Variants in JAK2 observed in about 807,000 individuals in gnomAD.
JAK2 encodes the protein Janus kinase 2.
In JAK2, 86 loss-of-function variants were observed where a neutral mutation model predicts 139.3. The observed-to-expected ratio is 0.62, with a 90% CI of 0.52 to 0.74. JAK2 has a LOEUF of 0.74. Among genes scored for constraint, JAK2 ranks in the 30% least tolerant of loss-of-function variants. JAK2 has a pLI of 0.00. For synonymous variants in JAK2, 490 were observed against 437.7 expected, an observed-to-expected ratio of 1.12 and a Z score of -1.49; for missense variants, 1,421 against 1,360.3, an observed-to-expected ratio of 1.04 and a Z score of -0.70.
intron 2 of JAK2, among the ~76,000 whole-genome samples, chr9:5,005,833 G>C (rs1184244704): frequency 6.6e-6 from 1 of 152,158 alleles, no homozygotes; most frequent in Non-Finnish European, 1.5e-5. Flanking sequence ...TGAGGGCTCT[G>C]TTCTGTTCCA....
chr9:5,048,343 A>G (rs1817173737), intron 5 of JAK2, among the ~76,000 whole-genome samples: 1 of 151,930 alleles, frequency 6.6e-6, no homozygotes, highest in Non-Finnish European at 1.5e-5. Flanking sequence ...GGGTTTCACT[A>G]TGTTGGCCAG....
upstream of JAK2, chr9:4,984,983 G>A (rs988141653): frequency 6.6e-6 from 1 of 152,318 alleles, no homozygotes; most frequent in Non-Finnish European, 1.5e-5. Context: ...TGCCCTGCGT[G>A]GCCCGCGCCT....
chr9:5,003,144 T>C (rs1821030217), intron 2 of JAK2, among the ~76,000 whole-genome samples: 1 of 151,998 alleles, frequency 6.6e-6, no homozygotes, highest in African/African-American at 2.4e-5. Flanking sequence ...ATGATAAATC[T>C]TGATGTCTGA....
At chr9:5,075,862 T>A (rs946508907) in intron 14 of JAK2, among the ~76,000 whole-genome samples, 8 of 152,108 alleles carry the variant, frequency 5.3e-5, no homozygotes, top group Admixed American at 3.3e-4. Context: ...GTAGAAAAAC[T>A]TATGGAAAGG....
At chr9:5,081,701 T>C in intron 18 of JAK2, 24 bp from the exon 19 acceptor site, 1 of 1,526,514 alleles carries the variant, frequency 6.6e-7, no homozygotes, top group Admixed American at 1.7e-5. Flanking sequence ...TAATTTAAGG[T>C]GATAATATTC....
At chr9:5,085,627 G>A in intron 19 of JAK2, 1 of 710,626 alleles carries the variant, frequency 1.4e-6, no homozygotes. Flanking sequence ...AGCAAGGACA[G>A]CCTTCTTTTC....
At chr9:5,112,660 C>T in intron 22 of JAK2, 3 of 971,736 alleles carry the variant, frequency 3.1e-6, no homozygotes, top group Non-Finnish European at 4.3e-6. Flanking sequence ...AACTCCTTAT[C>T]CTGCACCAGG....
At chr9:5,118,186 A>G (rs1427814550) in intron 22 of JAK2, among the ~76,000 whole-genome samples, 10 of 152,294 alleles carry the variant, frequency 6.6e-5, no homozygotes, top group Admixed American at 6.5e-4. Flanking sequence ...TAGTGCAGCA[A>G]TTTGATACCC....
Position 5,069,197 on chromosome 9 carries a change from C to T in JAK2, c.1502C>T (p.Pro501Leu). The change falls in exon 11 of 25, where the codon CCA becomes CTA. Residue 501 changes from proline (P) to leucine (L), a missense_variant. Pro to Leu is a moderately conservative substitution (Grantham distance 98, BLOSUM62 -3). Transcript: ENST00000381652. ...TTCCAGTTTACTAAATGCTGTCCCC[C>T]AAAGCCAAAAGGTAAGATAATTTTC... Reference protein sequence around the residue: ...IIFQFTKCCPPKPKDKSNLLV... With the variant: ...IIFQFTKCCPLKPKDKSNLLV... The T allele has an allele frequency of 1.3e-6, 2 of 1,599,702 alleles. No homozygotes were observed. Among genetic ancestry groups the T allele is most frequent in the Non-Finnish European group, 8.5e-7 (1 of 1,174,164 alleles).
At chr9:5,118,923 A>T (rs1046791363) in intron 22 of JAK2, among the ~76,000 whole-genome samples, 1 of 152,186 alleles carries the variant, frequency 6.6e-6, no homozygotes, top group Admixed American at 6.5e-5. Flanking sequence ...CTGTTTTCTC[A>T]ATTTCTGAAA....
chr9:5,007,330 C>T (rs1821373580), intron 2 of JAK2, among the ~76,000 whole-genome samples: 1 of 151,892 alleles, frequency 6.6e-6, no homozygotes, highest in African/African-American at 2.4e-5. Flanking sequence ...TTCTTTGTAC[C>T]ATGGGTTCTA....
At chr9:5,106,668 A>G (rs781064212) in intron 22 of JAK2, among the ~76,000 whole-genome samples, 2 of 152,230 alleles carry the variant, frequency 1.3e-5, no homozygotes, top group Non-Finnish European at 2.9e-5. Context: ...CATCAATGAT[A>G]GACTGGATAA....
intron 4 of JAK2, chr9:5,041,322 A>C (rs1018211467): frequency 6.7e-6 from 5 of 741,838 alleles, no homozygotes; most frequent in Non-Finnish European, 1.2e-5. Context: ...CCGTGCAGCC[A>C]GCACAAGAGC....
intron 8 of JAK2, among the ~76,000 whole-genome samples, chr9:5,058,032 T>G (rs1817887643): frequency 6.6e-6 from 1 of 152,202 alleles, no homozygotes; most frequent in Non-Finnish European, 1.5e-5. Context: ...TTCCTTCATT[T>G]TTAATATATG....
intron 4 of JAK2, chr9:5,041,117 A>C (rs923412845): frequency 2.3e-6 from 2 of 860,214 alleles, no homozygotes; most frequent in Non-Finnish European, 3.8e-6. Flanking sequence ...CTTCACGCCC[A>C]AGACGGTGCT....
At chr9:5,062,591 C>G (rs535251506) in intron 8 of JAK2, among the ~76,000 whole-genome samples, 1 of 141,648 alleles carries the variant, frequency 7.1e-6, no homozygotes, top group South Asian at 2.4e-4. Context: ...GTCTGTATAT[C>G]AATAAGAGGG....
At chr9:5,060,321 G>A (rs1472622207) in intron 8 of JAK2, among the ~76,000 whole-genome samples, 1 of 152,128 alleles carries the variant, frequency 6.6e-6, no homozygotes, top group Non-Finnish European at 1.5e-5. Context: ...TGCATCAGTA[G>A]ACTCTTCATT....
intron 2 of JAK2, among the ~76,000 whole-genome samples, chr9:5,021,297 A>T (rs1258758529): frequency 6.6e-6 from 1 of 152,226 alleles, no homozygotes. Context: ...TTTGTGGAGC[A>T]GGTGAGTACC....
chr9:5,126,815 C>A lies in JAK2; in HGVS notation c.*24C>A. The A allele has an allele frequency of 7.0e-7, 1 of 1,428,174 alleles. No individual in the cohort carries two copies. The highest frequency in any genetic ancestry group is 9.8e-7 in the Non-Finnish European group (1 of 1,017,656). The allele number at this position is 1,428,174 out of a possible 1,614,324, so 88.5% of individuals were successfully genotyped here. A position where few individuals can be genotyped will look rare whatever the true frequency, so the allele number is the denominator to read the frequency against. On this transcript the variant is annotated 3_prime_UTR_variant, in exon 25 of 25. Transcript: ENST00000381652. ...GAAAGAAATGACCTTCATTCTGAGA[C>A]CAAAGTAGATTTACAGAACAAAGTT...
Sources: allele counts gnomAD v4.1 joint callset (sites outside exome capture counted in the v4.1 genomes callset), GRCh38; gene constraint gnomAD v4.1.1; transcripts MANE v1.5; gene names NCBI Gene and HGNC (gene_info 2026-07-23, HGNC 2026-07-21).